TMEM232: variants seen among roughly 807,000 people sequenced by gnomAD.
TMEM232 encodes transmembrane protein 232.
In TMEM232, 80 loss-of-function variants were observed where a neutral mutation model predicts 78.8. The observed-to-expected ratio is 1.01, with a 90% CI of 0.85 to 1.22. The LOEUF (loss-of-function observed/expected upper bound fraction) is 1.22. Among genes scored for constraint, TMEM232 ranks in the 50% most tolerant of loss-of-function variants. TMEM232 has a pLI of 0.00. For missense variants in TMEM232, 881 were observed against 742.2 expected (o/e 1.19, Z -2.17); for synonymous variants, 297 against 254.3 (o/e 1.17, Z -1.60).
At position 110,640,932 on chromosome 5, in the gene TMEM232, T is replaced by C; in HGVS notation, c.302A>G (p.Glu101Gly). 3 of 1,541,904 alleles carry C rather than the reference T, an allele frequency of 1.9e-6. No homozygotes were observed. Among genetic ancestry groups the C allele is most frequent in the Non-Finnish European group, 2.6e-6 (3 of 1,141,960 alleles). ...RHVHLPAAWTEVIYLAQCKGE... is the reference protein window; with the variant it reads ...RHVHLPAAWTGVIYLAQCKGE... ...TTTGCATTGAGCCAGATATATTACT[T>C]CAGTCCATGCAGCAGGAAGATGCAC... is the stretch of plus-strand genomic sequence containing the variant. Residue 101 changes from glutamate (E) to glycine (G), a missense_variant, in exon 4 of 14, where the codon GAA (glutamate) becomes GGA (glycine). Transcript: ENST00000455884.
At chr5:110,706,004 G>C (rs940363322) in intron 1 of TMEM232, among the ~76,000 whole-genome samples, 5 of 151,840 alleles carry the variant, frequency 3.3e-5, no homozygotes, top group African/African-American at 1.2e-4. Flanking sequence ...GATAATATTT[G>C]ATTTAAATTA....
intron 2 of TMEM232, among the ~76,000 whole-genome samples, chr5:110,663,687 G>A (rs980137597): frequency 7.4e-6 from 1 of 135,768 alleles, no homozygotes; most frequent in African/African-American, 2.6e-5. Context: ...GTGAAGATAA[G>A]AGGAAGTGAT....
chr5:110,526,834 T>G (rs1008055772), intron 12 of TMEM232, among the ~76,000 whole-genome samples: 2 of 151,764 alleles, frequency 1.3e-5, no homozygotes, highest in African/African-American at 4.8e-5. Context: ...GTTAAATAAA[T>G]TATGATATAT....
intron 1 of TMEM232, among the ~76,000 whole-genome samples, chr5:110,685,938 C>T (rs1793343294): frequency 6.6e-6 from 1 of 151,988 alleles, no homozygotes; most frequent in Non-Finnish European, 1.5e-5. Context: ...AATTCAAGCA[C>T]AGACAAAACT....
intron 10 of TMEM232, among the ~76,000 whole-genome samples, chr5:110,593,160 G>C (rs1266533551): frequency 6.6e-6 from 1 of 152,128 alleles, no homozygotes; most frequent in Admixed American, 6.6e-5. Flanking sequence ...TGCTCAGAAG[G>C]AAGAAAGCTC....
intron 12 of TMEM232, among the ~76,000 whole-genome samples, chr5:110,440,746 G>C (rs769331927): frequency 7.9e-5 from 12 of 152,194 alleles, no homozygotes; most frequent in Non-Finnish European, 2.9e-5. Context: ...AGTGTATTGA[G>C]GCAACCTACG....
At chr5:110,444,249 A>T (rs1408381306) in intron 12 of TMEM232, among the ~76,000 whole-genome samples, 1 of 152,048 alleles carries the variant, frequency 6.6e-6, no homozygotes, top group African/African-American at 2.4e-5. Context: ...GTTTGTTCTT[A>T]CCTCTGAGAT....
intron 10 of TMEM232, among the ~76,000 whole-genome samples, chr5:110,571,773 A>AC (rs1776970551): frequency 6.6e-6 from 1 of 151,684 alleles, no homozygotes; most frequent in African/African-American, 2.4e-5. Context: ...TGGGAAGATC[A>AC]CTTCACCCAC....
At chr5:110,679,224 A>T (rs1489897573) in intron 1 of TMEM232, among the ~76,000 whole-genome samples, 2 of 152,116 alleles carry the variant, frequency 1.3e-5, no homozygotes, top group African/African-American at 4.8e-5. Flanking sequence ...GGCCATTCTA[A>T]TAGTGTGTGT....
chr5:110,447,880 C>G (rs1488600), intron 12 of TMEM232, among the ~76,000 whole-genome samples: 1 of 151,658 alleles, frequency 6.6e-6, no homozygotes, highest in East Asian at 1.9e-4. Context: ...AAAGTGAAAA[C>G]GAAGAGAGGG....
intron 11 of TMEM232, among the ~76,000 whole-genome samples, chr5:110,529,488 C>A (rs901560491): frequency 1.1e-4 from 17 of 152,096 alleles, no homozygotes; most frequent in African/African-American, 4.1e-4. Context: ...CTCAGGTGAT[C>A]CACCTGCCTC....
At chr5:110,662,917 GA>G (rs1789994121) in intron 2 of TMEM232, among the ~76,000 whole-genome samples, 1 of 151,834 alleles carries the variant, frequency 6.6e-6, no homozygotes, top group East Asian at 1.9e-4. Context: ...GGTTGGGAAA[GA>G]TTTTTTTAAC....
At chr5:110,723,644 A>G (rs1043393355) in intron 1 of TMEM232, among the ~76,000 whole-genome samples, 1 of 152,184 alleles carries the variant, frequency 6.6e-6, no homozygotes, top group South Asian at 2.1e-4. Flanking sequence ...AGGGACTGCT[A>G]TATCTCTTGG....
At chr5:110,469,117 G>A (rs989855522) in intron 12 of TMEM232, among the ~76,000 whole-genome samples, 2 of 152,148 alleles carry the variant, frequency 1.3e-5, no homozygotes, top group Non-Finnish European at 2.9e-5. Context: ...ATGAAGTCCA[G>A]CTAAGGGAGC....
At chr5:110,471,916 A>G (rs1008390445) in intron 12 of TMEM232, among the ~76,000 whole-genome samples, 2 of 152,104 alleles carry the variant, frequency 1.3e-5, no homozygotes, top group African/African-American at 4.8e-5. Context: ...ATTACAACAT[A>G]TAACACAGAA....
chr5:110,671,097 C>A (rs1008250241), intron 1 of TMEM232, among the ~76,000 whole-genome samples: 8 of 152,058 alleles, frequency 5.3e-5, no homozygotes, highest in Non-Finnish European at 8.8e-5. Flanking sequence ...AAGCTATGAA[C>A]AGACACTTCT....
intron 10 of TMEM232, among the ~76,000 whole-genome samples, chr5:110,586,176 A>G (rs1208139503): frequency 1.3e-5 from 2 of 152,092 alleles, no homozygotes; most frequent in Non-Finnish European, 2.9e-5. Flanking sequence ...TTTTATTATT[A>G]TTTCTATTTT....
At chr5:110,694,499 CACAG>C (rs1192019852) in intron 1 of TMEM232, among the ~76,000 whole-genome samples, 2 of 152,198 alleles carry the variant, frequency 1.3e-5, no homozygotes, top group Middle Eastern at 3.4e-3. Context: ...AATTAAAAGA[CACAG>C]ACAGGCAAAC....
At chr5:110,557,553 A>G (rs955254130) in intron 11 of TMEM232, among the ~76,000 whole-genome samples, 2 of 152,196 alleles carry the variant, frequency 1.3e-5, no homozygotes, top group Admixed American at 6.5e-5. Flanking sequence ...CAGGAAGCAT[A>G]GCAGCTTCTG....
Sources: gnomAD v4.1 joint callset for allele counts (sites outside exome capture counted in the v4.1 genomes callset) on GRCh38, gnomAD v4.1.1 for gene constraint, MANE v1.5 for transcripts, NCBI Gene and HGNC (gene_info 2026-07-23, HGNC 2026-07-21) for gene names.